The following PIK3C2B variants were observed in gnomAD, a reference collection of about 807,000 sequenced individuals.
The protein encoded by PIK3C2B is phosphatidylinositol 4-phosphate 3-kinase C2 domain-containing subunit beta.
In PIK3C2B, 83 loss-of-function variants were observed where a neutral mutation model predicts 184.3. That is an observed-to-expected ratio of 0.45 (90% CI 0.38 to 0.54). The LOEUF (loss-of-function observed/expected upper bound fraction) is 0.54, where lower values mean the gene tolerates loss of function less well. Ranked by LOEUF, PIK3C2B falls within the 20% of genes least tolerant of loss-of-function variation. PIK3C2B has a pLI of 0.00. For missense variants in PIK3C2B, 1,736 were observed against 2,113.5 expected (o/e 0.82, Z 3.50); for synonymous variants, 779 against 837.6 (o/e 0.93, Z 1.21).
intron 1 of PIK3C2B, among the ~76,000 whole-genome samples, chr1:204,483,047 G>A (rs1424680280): frequency 1.4e-4 from 22 of 151,960 alleles, no homozygotes; most frequent in Non-Finnish European, 7.4e-5. Flanking sequence ...TGACTCTTAG[G>A]GCCCCAAAGC....
intron 32 of PIK3C2B, 147 bp downstream of exon 32, chr1:204,425,466 T>G: frequency 2.4e-6 from 2 of 819,210 alleles, no homozygotes; most frequent in South Asian, 3.3e-5. Flanking sequence ...CATTGCAACA[T>G]GAAAGCAGCT....
intron 13 of PIK3C2B, among the ~76,000 whole-genome samples, chr1:204,449,501 C>A (rs1654169176): frequency 6.6e-6 from 1 of 152,182 alleles, no homozygotes; most frequent in East Asian, 1.9e-4. Flanking sequence ...GCTAACCACA[C>A]CCTGGTCTGG....
intron 14 of PIK3C2B, among the ~76,000 whole-genome samples, chr1:204,448,324 A>C (rs1379807693): frequency 6.6e-6 from 1 of 151,180 alleles, no homozygotes; most frequent in Non-Finnish European, 1.5e-5. Context: ...CATGTTGGCC[A>C]CTCCTGACCT....
chr1:204,454,378 A>G (rs982029681), intron 12 of PIK3C2B, among the ~76,000 whole-genome samples: 5 of 151,182 alleles, frequency 3.3e-5, no homozygotes, highest in Admixed American at 6.6e-5. Flanking sequence ...GCTACTCGGG[A>G]GGCTGAGACA....
At chr1:204,459,205 T>C (rs567334394) in intron 8 of PIK3C2B, among the ~76,000 whole-genome samples, 1 of 152,078 alleles carries the variant, frequency 6.6e-6, no homozygotes, top group Non-Finnish European at 1.5e-5. Flanking sequence ...TTTGTAGAGA[T>C]GGGGTCTTGC....
intron 2 of PIK3C2B, among the ~76,000 whole-genome samples, chr1:204,466,362 A>T (rs1248945683): frequency 6.6e-6 from 1 of 152,042 alleles, no homozygotes; most frequent in African/African-American, 2.4e-5. Flanking sequence ...GGCTACTCTC[A>T]AGTCCTCTCT....
intron 1 of PIK3C2B, among the ~76,000 whole-genome samples, chr1:204,472,639 G>A (rs1656387459): frequency 6.6e-6 from 1 of 152,052 alleles, no homozygotes; most frequent in Admixed American, 6.5e-5. Flanking sequence ...AATTAGCCAG[G>A]CGTGGTGGCA....
At chr1:204,490,321 C>A in intron 1 of PIK3C2B, 1 of 173,054 alleles carries the variant, frequency 5.8e-6, no homozygotes, top group Non-Finnish European at 1.2e-5. Flanking sequence ...CTCTGCTCCC[C>A]AAAGCACAAA....
In PIK3C2B at chr1:204,433,092, G is replaced by A. The variant is rs1205643155; in HGVS notation, c.3953+224C>T. Among the ~76,000 whole-genome samples, 1 of 152,240 alleles carries A rather than the reference G, an allele frequency of 6.6e-6. No homozygotes were observed. The highest frequency in any genetic ancestry group is 6.5e-5 in the Admixed American group (1 of 15,288). Reference sequence around the variant, plus strand: ...AAGAGTGATGGCAATACCCTTGTGTGCAAAGGTTAGCACCAAAACACAGAT... The same window carrying A: ...AAGAGTGATGGCAATACCCTTGTGTACAAAGGTTAGCACCAAAACACAGAT... On this transcript the variant is annotated intron_variant, in intron 26 of 32. Transcript: ENST00000684373. This position sits in a 1 kb window ranked among gnomAD's most constrained non-coding sequence, Gnocchi z 5.0.
At chr1:204,459,222 G>T (rs1655122235) in intron 8 of PIK3C2B, among the ~76,000 whole-genome samples, 1 of 152,172 alleles carries the variant, frequency 6.6e-6, no homozygotes, top group African/African-American at 2.4e-5. Context: ...TTGCTGTGTT[G>T]CCCAGGCTGG....
chr1:204,432,207 T>C lies in PIK3C2B; in HGVS notation c.4148A>G (p.Lys1383Arg), dbSNP rs1675099221. 6.2e-7 allele frequency: 1 copy of C among 1,612,440 alleles called. No homozygotes were observed. Among genetic ancestry groups the C allele is most frequent in the Non-Finnish European group, 8.5e-7 (1 of 1,178,904 alleles). The change falls in exon 27 of 33, where the codon AAA becomes AGA. Residue 1383 changes from lysine (K) to arginine (R), a missense_variant. Lys to Arg is a conservative substitution (Grantham distance 26, BLOSUM62 2). Around this residue, in one of 8 missense-constraint regions of PIK3C2B, gnomAD observed 200 missense variants for 199.1 expected, o/e 1.00. Transcript: ENST00000684373. ...ATTGGAGAAAACACTTACATAGCCT[T>C]TGTTGGGGTGGAAGATCTTCTCATG... ...CRHEKIFHPN[K>R]GYIYVVKVMR...
chr1:204,441,970 G>T (rs571452772), intron 20 of PIK3C2B, among the ~76,000 whole-genome samples: 2 of 152,092 alleles, frequency 1.3e-5, no homozygotes, highest in Non-Finnish European at 2.9e-5. Flanking sequence ...GAACAGGGCC[G>T]GGCACAGAGA....
At chr1:204,443,331 A>C in intron 19 of PIK3C2B, 86 bp downstream of exon 19, 2 of 1,344,312 alleles carry the variant, frequency 1.5e-6, no homozygotes, top group Non-Finnish European at 2.1e-6. Flanking sequence ...CGTCACGTGG[A>C]ATCTTGTTGT....
At chr1:204,431,864 C>G in intron 27 of PIK3C2B, 71 bp from the exon 28 acceptor site, 2 of 1,584,416 alleles carry the variant, frequency 1.3e-6, no homozygotes, top group African/African-American at 1.3e-5. Flanking sequence ...AGGAAAGGTC[C>G]GGAAGTGTAT....
intron 1 of PIK3C2B, among the ~76,000 whole-genome samples, chr1:204,493,187 G>T (rs1214736994): frequency 6.6e-6 from 1 of 152,166 alleles, no homozygotes; most frequent in Non-Finnish European, 1.5e-5. Context: ...ATTCAGCACT[G>T]ATTCAGGGTT....
In PIK3C2B at chr1:204,439,014, C is replaced by T; in HGVS notation, c.3437G>A (p.Gly1146Glu). ...CCGGTCCTTGAACGAGCCGGTCACC[C>T]CATGCTCCACCTGGATCTTACGCAG... The part of the protein sequence containing the change: ...ETLRKIQVEH[G>E]VTGSFKDRPL... Residue 1146 changes from glycine (G) to glutamate (E), a missense_variant, in exon 23 of 33, where the codon GGG becomes GAG. Gly to Glu is a moderately conservative substitution (Grantham distance 98). Transcript: ENST00000684373. 6.2e-7 allele frequency: 1 copy of T among 1,614,066 alleles called. No homozygotes were observed. Among genetic ancestry groups the T allele is most frequent in the Admixed American group, 1.7e-5 (1 of 60,006 alleles).
intron 31 of PIK3C2B, among the ~76,000 whole-genome samples, chr1:204,426,435 G>C (rs1330143341): frequency 6.6e-6 from 1 of 152,168 alleles, no homozygotes; most frequent in Non-Finnish European, 1.5e-5. Flanking sequence ...TCTGCCCTCA[G>C]ATGCATAAAC....
At chr1:204,458,016 T>G in intron 8 of PIK3C2B, 142 bp from the exon 9 acceptor site, 1 of 687,486 alleles carries the variant, frequency 1.5e-6, no homozygotes. Context: ...TGCAATACAT[T>G]TTATTTTCAA....
intron 12 of PIK3C2B, among the ~76,000 whole-genome samples, chr1:204,452,534 A>G (rs1430629607): frequency 1.3e-5 from 2 of 149,384 alleles, no homozygotes; most frequent in African/African-American, 2.5e-5. Flanking sequence ...TGACCAAAAA[A>G]TCCCAAGGGA....
Sources: gnomAD v4.1 joint callset for allele counts (sites outside exome capture counted in the v4.1 genomes callset) on GRCh38, gnomAD v4.1.1 for gene constraint, gnomAD v4.1.1 regional missense constraint, Gnocchi (gnomAD v3.1) non-coding constraint, MANE v1.5 for transcripts, NCBI Gene and HGNC (gene_info 2026-07-23, HGNC 2026-07-21) for gene names.